The following UBE2W variants were observed in gnomAD, a reference collection of about 807,000 sequenced individuals.
UBE2W encodes the protein ubiquitin-conjugating enzyme E2 W.
In UBE2W, 18 loss-of-function variants were observed where a neutral mutation model predicts 27.2. That is an observed-to-expected ratio of 0.66 (90% CI 0.46 to 0.98). The LOEUF is 0.98. UBE2W is among the 50% of genes least tolerant of loss of function. The pLI is 0.00. For missense variants in UBE2W, 90 were observed against 180.2 expected, an observed-to-expected ratio of 0.50 and a Z score of 2.87; for synonymous variants, 53 against 57.2, an observed-to-expected ratio of 0.93 and a Z score of 0.33.
chr8:73,840,981 G>A (rs1810512886), intron 1 of UBE2W, among the ~76,000 whole-genome samples: 1 of 152,088 alleles, frequency 6.6e-6, no homozygotes, highest in Non-Finnish European at 1.5e-5. Context: ...CCTCATTCAG[G>A]GAAGTTAAAA....
intron 1 of UBE2W, among the ~76,000 whole-genome samples, chr8:73,865,570 C>T (rs927820203): frequency 3.9e-5 from 6 of 152,194 alleles, no homozygotes; most frequent in Admixed American, 1.3e-4. Flanking sequence ...CGTGACGGCA[C>T]TACTGCATAC....
intron 3 of UBE2W, among the ~76,000 whole-genome samples, chr8:73,815,022 C>T (rs958064375): frequency 6.6e-6 from 1 of 151,466 alleles, no homozygotes; most frequent in Admixed American, 6.6e-5. Flanking sequence ...GAATGTAGTG[C>T]CTTTCATAAA....
In UBE2W at chr8:73,787,036, T is replaced by C; in HGVS notation, c.*7066A>G. The C allele has an allele frequency of 3.0e-6, 3 of 985,412 alleles. No individual in the cohort carries two copies. Among genetic ancestry groups the C allele is most frequent in the Non-Finnish European group, 3.6e-6 (3 of 829,922 alleles). The allele number at this position is 985,412 out of a possible 1,614,324, so 61.0% of individuals were successfully genotyped here. On this transcript the variant is annotated 3_prime_UTR_variant, in exon 6 of 6. Transcript: ENST00000602593. ...GGCCAGATACAGACATGAGAAGATA[T>C]TTCCTACCTTAGTTGATAAACTTTC...
chr8:73,796,360 G>A (rs186599265), intron 5 of UBE2W, among the ~76,000 whole-genome samples: 1 of 152,196 alleles, frequency 6.6e-6, no homozygotes, highest in Non-Finnish European at 1.5e-5. Context: ...TAAGAAAAGT[G>A]ACAGATAAAA....
chr8:73,816,459 T>C lies in UBE2W; in HGVS notation c.211-5830A>G, dbSNP rs574181854. Among the ~76,000 whole-genome samples the C allele has an allele frequency of 4.6e-5, 7 of 152,188 alleles. 1 individual carries two copies. In the South Asian group the frequency reaches 1.2e-3, roughly 27 times the overall value. On this transcript the variant is annotated intron_variant, in intron 3 of 5. Transcript: ENST00000602593. Reference sequence around the variant, plus strand: ...AGACAAGATGAGGACATCACGAACATAGGTTCTGGATCTCTGCAAAGAATG... The same window carrying C: ...AGACAAGATGAGGACATCACGAACACAGGTTCTGGATCTCTGCAAAGAATG...
In UBE2W at chr8:73,787,986, G is replaced by A; in HGVS notation, c.*6116C>T. Reference sequence around the variant, plus strand: ...ATCTTCATTCTGTTGCACTCATTTTGGAAATGGACATGTTCCTGTTTCTAT... The same window carrying A: ...ATCTTCATTCTGTTGCACTCATTTTAGAAATGGACATGTTCCTGTTTCTAT... On this transcript the variant is annotated 3_prime_UTR_variant, in exon 6 of 6. Transcript: ENST00000602593. The A allele has an allele frequency of 1.0e-6, 1 of 985,316 alleles. No individual in the cohort carries two copies. 61.0% of individuals were successfully genotyped at this position (985,316 alleles called of 1,614,324 possible).
At position 73,787,127 on chromosome 8, in the gene UBE2W, T is replaced by G; in HGVS notation, c.*6975A>C. 1.0e-6 allele frequency: 1 copy of G among 985,434 alleles called. No individual in the cohort carries two copies. Among genetic ancestry groups the G allele is most frequent in the South Asian group, 4.7e-5 (1 of 21,290 alleles). 61.0% of individuals were successfully genotyped at this position (985,434 alleles called of 1,614,324 possible). ...GGATTCCCACTTATGTATTTTGCATTATGCAGGCAAACATTAAAAATAAAT... is the reference window on the plus strand; with the variant it reads ...GGATTCCCACTTATGTATTTTGCATGATGCAGGCAAACATTAAAAATAAAT... On this transcript the variant is annotated 3_prime_UTR_variant, in exon 6 of 6. Coordinates refer to ENST00000602593, the MANE Select transcript of UBE2W (RefSeq NM_018299.6).
At chr8:73,807,490 A>G (rs1808961155) in intron 4 of UBE2W, among the ~76,000 whole-genome samples, 1 of 152,226 alleles carries the variant, frequency 6.6e-6, no homozygotes, top group Non-Finnish European at 1.5e-5. Context: ...TGTTAATATT[A>G]GTAATTTCAT....
In UBE2W at chr8:73,838,275, C is replaced by T. The variant is rs116047254; in HGVS notation, c.16-7803G>A. ...TGATATGAAACCACACTAATTTATT[C>T]CTTTTTTTCCCCCCGGTAAGAAAAC... On this transcript the variant is annotated intron_variant, in intron 1 of 5. Coordinates refer to ENST00000602593, the MANE Select transcript of UBE2W (RefSeq NM_018299.6). Among the ~76,000 whole-genome samples, 650 of 152,222 alleles carry T rather than the reference C, an allele frequency of 4.3e-3. 6 individuals are homozygous for T. Among genetic ancestry groups the T allele is most frequent in the African/African-American group, 0.015 (624 of 41,530 alleles).
chr8:73,792,955 T>G lies in UBE2W; in HGVS notation c.*1147A>C. ...TAAAATAAAAATGTCCACACTCTTT[T>G]GTTAAAACATTAAGCCTCTGTCAAA... On this transcript the variant is annotated 3_prime_UTR_variant, in exon 6 of 6. Coordinates refer to ENST00000602593, the MANE Select transcript of UBE2W (RefSeq NM_018299.6). The G allele has an allele frequency of 1.0e-6, 1 of 985,704 alleles. No individual in the cohort carries two copies. Among genetic ancestry groups the G allele is most frequent in the Non-Finnish European group, 1.2e-6 (1 of 829,768 alleles). The allele number at this position is 985,704 out of a possible 1,614,324, so 61.1% of individuals were successfully genotyped here.
chr8:73,810,553 G>A lies in UBE2W; in HGVS notation c.287C>T (p.Thr96Ile), dbSNP rs189371662. ...SNGHICLSILTEDWSPALSVQ... is the reference protein window; with the variant it reads ...SNGHICLSILIEDWSPALSVQ... ...TGAGAGCGCTGGGGACCAGTCTTCT[G>A]TTAGAATGGATAAACAGATATGACC... Residue 96 changes from threonine (T) to isoleucine (I), a missense_variant, in exon 4 of 6, where the codon ACA becomes ATA. By Grantham distance (89) the Thr-to-Ile change is moderately conservative. Transcript: ENST00000602593. 1.2e-6 allele frequency: 2 copies of A among 1,612,994 alleles called. No homozygotes were observed. The highest frequency in any genetic ancestry group is 1.7e-5 in the Admixed American group (1 of 59,912).
intron 1 of UBE2W, among the ~76,000 whole-genome samples, chr8:73,878,168 C>G (rs1002777988): frequency 6.6e-6 from 1 of 152,178 alleles, no homozygotes; most frequent in African/African-American, 2.4e-5. Flanking sequence ...AGGAAGGAGA[C>G]AGTGGACTGC....
intron 3 of UBE2W, among the ~76,000 whole-genome samples, chr8:73,814,132 T>C (rs2130880112): frequency 1.3e-5 from 2 of 152,330 alleles, no homozygotes; most frequent in South Asian, 4.1e-4. Flanking sequence ...GCCATCCTCA[T>C]TTATTTAATA....
Position 73,788,166 on chromosome 8 carries a change from TC to T in UBE2W, c.*5935del. The T allele has an allele frequency of 1.0e-6, 1 of 975,496 alleles. No individual in the cohort carries two copies. Among genetic ancestry groups the T allele is most frequent in the South Asian group, 4.7e-5 (1 of 21,098 alleles). The allele number at this position is 975,496 out of a possible 1,614,324, so 60.4% of individuals were successfully genotyped here. A position where few individuals can be genotyped will look rare whatever the true frequency, so the allele number is the denominator to read the frequency against. On this transcript the variant is annotated 3_prime_UTR_variant, in exon 6 of 6. Coordinates refer to ENST00000602593, the MANE Select transcript of UBE2W (RefSeq NM_018299.6). ...GCTTTATTATTAAAAGTTATGAAAT[TC>T]CATAAAGCAAAGTAATCTGCATTCA...
At chr8:73,858,683 T>TAAAA (rs34554998) in intron 1 of UBE2W, among the ~76,000 whole-genome samples, 1 of 134,300 alleles carries the variant, frequency 7.4e-6, no homozygotes, top group Non-Finnish European at 1.6e-5. Context: ...GAAAAAGTGC[T>TAAAA]AAAAAAAAAA....
intron 1 of UBE2W, among the ~76,000 whole-genome samples, chr8:73,873,890 G>A (rs970682644): frequency 1.3e-5 from 2 of 152,114 alleles, no homozygotes; most frequent in Non-Finnish European, 1.5e-5. Context: ...ACTGTTTTTA[G>A]AGTTGACAAA....
intron 1 of UBE2W, among the ~76,000 whole-genome samples, chr8:73,850,999 A>G (rs1811054839): frequency 6.6e-6 from 1 of 151,644 alleles, no homozygotes; most frequent in Non-Finnish European, 1.5e-5. Flanking sequence ...AGCTGGAAAC[A>G]CAGGCATGCA....
At chr8:73,848,608 C>T (rs1027809963) in intron 1 of UBE2W, among the ~76,000 whole-genome samples, 1 of 152,182 alleles carries the variant, frequency 6.6e-6, no homozygotes, top group Non-Finnish European at 1.5e-5. Context: ...GGGAGGAACA[C>T]CTGAGCCTAG....
chr8:73,791,229 C>G lies in UBE2W; in HGVS notation c.*2873G>C, dbSNP rs1808176154. On this transcript the variant is annotated 3_prime_UTR_variant, in exon 6 of 6. Coordinates refer to ENST00000602593, the MANE Select transcript of UBE2W (RefSeq NM_018299.6). Reference sequence around the variant, plus strand: ...CTCTTAAAAACTGAAAACAATCCTTCTCTCTAAACCTATGGCATTAATCCC... The same window carrying G: ...CTCTTAAAAACTGAAAACAATCCTTGTCTCTAAACCTATGGCATTAATCCC... 2 of 982,792 alleles carry G rather than the reference C, an allele frequency of 2.0e-6. No individual in the cohort carries two copies. Among genetic ancestry groups the G allele is most frequent in the Non-Finnish European group, 1.2e-6 (1 of 829,328 alleles). 60.9% of individuals were successfully genotyped at this position (982,792 alleles called of 1,614,324 possible). A position where few individuals can be genotyped will look rare whatever the true frequency, so the allele number is the denominator to read the frequency against.
Sources: allele counts gnomAD v4.1 joint callset (sites outside exome capture counted in the v4.1 genomes callset), GRCh38; gene constraint gnomAD v4.1.1; transcripts MANE v1.5; gene names NCBI Gene and HGNC (gene_info 2026-07-23, HGNC 2026-07-21).